The following RRBP1 variants were observed in gnomAD, a reference collection of about 807,000 sequenced individuals.
RRBP1 encodes ribosome binding protein 1.
Under a neutral mutation model 165.2 loss-of-function variants are expected in RRBP1, and 94 were observed. The ratio of observed to expected loss-of-function variants is 0.57; its 90% CI spans 0.48 to 0.68. RRBP1 has a LOEUF of 0.68. Among genes scored for constraint, RRBP1 ranks in the 30% least tolerant of loss-of-function variants. RRBP1 has a pLI of 0.00. For synonymous variants in RRBP1, 680 were observed against 714.5 expected, an observed-to-expected ratio of 0.95 and a Z score of 0.77; for missense variants, 1,676 against 1,763.0, an observed-to-expected ratio of 0.95 and a Z score of 0.88.
intron 2 of RRBP1, among the ~76,000 whole-genome samples, chr20:17,667,482 T>A (rs1254340349): frequency 1.3e-5 from 2 of 152,214 alleles, no homozygotes; most frequent in Non-Finnish European, 2.9e-5. Flanking sequence ...GCAGCAAATA[T>A]TTAAGGCAAT....
chr20:17,627,340 C>T lies in RRBP1; in HGVS notation c.2963+8G>A. ...CAAGTGAGCAGGCAGGCTGCTTCCC[C>T]AGCTTACCGAGTCTGCTGCTGGTCA... On this transcript the variant is annotated splice_region_variant and intron_variant, in intron 11 of 24. Transcript: ENST00000377813. 2.2e-5 allele frequency: 36 copies of T among 1,613,030 alleles called. No homozygotes were observed. The highest frequency in any genetic ancestry group is 3.1e-5 in the Non-Finnish European group (36 of 1,179,884).
At chr20:17,651,957 C>T (rs1217774453) in intron 3 of RRBP1, among the ~76,000 whole-genome samples, 1 of 152,214 alleles carries the variant, frequency 6.6e-6, no homozygotes, top group Non-Finnish European at 1.5e-5. Flanking sequence ...GCCAGGTCTC[C>T]CTCTGGGGCA....
intron 9 of RRBP1, among the ~76,000 whole-genome samples, chr20:17,628,000 C>T (rs1345406467): frequency 6.6e-6 from 1 of 152,190 alleles, no homozygotes. Flanking sequence ...CTAGAAGACT[C>T]TTTTTCTTAC....
At position 17,669,327 on chromosome 20, in the gene RRBP1, G is replaced by A. The variant is rs138131961; in HGVS notation, c.-21-8799C>T. On this transcript the variant is annotated intron_variant, in intron 2 of 24. Transcript: ENST00000377813. The stretch of plus-strand genomic sequence containing the variant: ...ACTTAAACAGACCTAAATCTTCTGC[G>A]AACTTCCAAGAAGCCTACGGGCTTC... Among the ~76,000 whole-genome samples the A allele has an allele frequency of 1.3e-4, 20 of 152,266 alleles. 1 individual carries two copies. The East Asian group carries it at 2.7e-3, about 21-fold the overall frequency.
chr20:17,680,098 T>G (rs6075234), intron 1 of RRBP1, 23 bp from the exon 2 acceptor site: 27,730 of 152,232 alleles, frequency 0.18, 2,574 homozygotes, highest in Middle Eastern at 0.26. Context: ...GAGGTTGGCA[T>G]ATGATAGTGG....
chr20:17,628,753 A>G (rs779675867), intron 9 of RRBP1, among the ~76,000 whole-genome samples: 1 of 152,228 alleles, frequency 6.6e-6, no homozygotes, highest in Non-Finnish European at 1.5e-5. Context: ...TGCCTCAGAG[A>G]GTCTCCAGGA....
intron 3 of RRBP1, among the ~76,000 whole-genome samples, chr20:17,651,214 G>A (rs941602326): frequency 6.6e-6 from 1 of 152,198 alleles, no homozygotes; most frequent in Non-Finnish European, 1.5e-5. Context: ...ACTTCCTGAA[G>A]TTAGAATCAT....
intron 21 of RRBP1, among the ~76,000 whole-genome samples, chr20:17,616,395 C>G (rs181856558): frequency 1.1e-4 from 16 of 152,310 alleles, no homozygotes; most frequent in African/African-American, 3.6e-4. Context: ...TAGCGATGTC[C>G]CAGCCGGGGT....
intron 18 of RRBP1, 120 bp from the exon 19 acceptor site, chr20:17,619,848 C>T (rs370554361): frequency 8.0e-6 from 5 of 624,990 alleles, no homozygotes; most frequent in East Asian, 3.0e-5. Flanking sequence ...CCCTGAGGCC[C>T]ACCAGCTACC....
intron 2 of RRBP1, among the ~76,000 whole-genome samples, chr20:17,673,655 C>T (rs542491111): frequency 7.7e-4 from 117 of 152,284 alleles, no homozygotes; most frequent in Non-Finnish European, 6.6e-4. Context: ...GTGATCTGCC[C>T]GCCTTAGCCT....
chr20:17,673,271 G>A (rs139049221), intron 2 of RRBP1, among the ~76,000 whole-genome samples: 302 of 152,286 alleles, frequency 2.0e-3, no homozygotes, highest in Non-Finnish European at 3.4e-3. Context: ...ACACAGGATC[G>A]CTCCCTTCAC....
At chr20:17,617,951 G>A (rs1364077917) in intron 20 of RRBP1, among the ~76,000 whole-genome samples, 1 of 152,254 alleles carries the variant, frequency 6.6e-6, no homozygotes, top group African/African-American at 2.4e-5. Flanking sequence ...AGGCTGGGTG[G>A]AGCCTGCCAA....
chr20:17,620,575 C>A, intron 17 of RRBP1, 140 bp downstream of exon 17: 1 of 801,720 alleles, frequency 1.2e-6, no homozygotes, highest in South Asian at 1.4e-5. Context: ...GCTGTCATCC[C>A]GCAACTGTGC....
chr20:17,615,377 G>A (rs1050211504), intron 23 of RRBP1, 54 bp downstream of exon 23: 73 of 1,422,846 alleles, frequency 5.1e-5, no homozygotes, highest in East Asian at 3.0e-4. Flanking sequence ...CAAGAGTGGC[G>A]CCAGCCCCAG....
intron 3 of RRBP1, among the ~76,000 whole-genome samples, chr20:17,648,913 G>A (rs910018430): frequency 3.9e-5 from 6 of 152,198 alleles, no homozygotes; most frequent in Non-Finnish European, 8.8e-5. Context: ...AATGCCTGCA[G>A]AAAACGGCAG....
chr20:17,642,580 C>G (rs1450897720), intron 4 of RRBP1, among the ~76,000 whole-genome samples: 2 of 152,238 alleles, frequency 1.3e-5, no homozygotes, highest in African/African-American at 4.8e-5. Context: ...CACGAGATAG[C>G]TCAGAACTCT....
At chr20:17,617,794 G>C (rs937645213) in intron 20 of RRBP1, among the ~76,000 whole-genome samples, 1 of 152,248 alleles carries the variant, frequency 6.6e-6, no homozygotes, top group African/African-American at 2.4e-5. Context: ...GGGAATGCCA[G>C]CCCATTTTTA....
intron 3 of RRBP1, among the ~76,000 whole-genome samples, chr20:17,648,958 G>A (rs758448879): frequency 1.3e-5 from 2 of 152,206 alleles, no homozygotes; most frequent in Non-Finnish European, 2.9e-5. Flanking sequence ...GACCACAGCC[G>A]TCTGGGGGCA....
intron 17 of RRBP1, 101 bp from the exon 18 acceptor site, chr20:17,620,471 C>T: frequency 2.7e-6 from 3 of 1,116,670 alleles, no homozygotes; most frequent in South Asian, 1.2e-5. Context: ...ACTTAGGAAG[C>T]CCCGGGGGTG....
Sources: gnomAD v4.1 joint callset for allele counts (sites outside exome capture counted in the v4.1 genomes callset) on GRCh38, gnomAD v4.1.1 for gene constraint, MANE v1.5 for transcripts, NCBI Gene and HGNC (gene_info 2026-07-23, HGNC 2026-07-21) for gene names.